Variants in TTLL7 observed in about 807,000 individuals in gnomAD.
The protein encoded by TTLL7 is tubulin polyglutamylase TTLL7.
TTLL7 carries 53 observed loss-of-function variants against 120.2 expected under a neutral mutation model. The ratio of observed to expected loss-of-function variants is 0.44; its 90% confidence interval spans 0.35 to 0.55. The LOEUF (loss-of-function observed/expected upper bound fraction) is 0.55. Among genes scored for constraint, TTLL7 ranks in the 20% least tolerant of loss-of-function variants. TTLL7 has a pLI of 0.00. For synonymous variants in TTLL7, 353 were observed against 351.7 expected, an observed-to-expected ratio of 1.00 and a Z score of -0.04; for missense variants, 803 against 1,054.7, an observed-to-expected ratio of 0.76 and a Z score of 3.31.
intron 18 of TTLL7, among the ~76,000 whole-genome samples, chr1:83,895,245 C>CA (rs1656112246): frequency 6.6e-6 from 1 of 151,980 alleles, no homozygotes; most frequent in Non-Finnish European, 1.5e-5. Context: ...ACCAGGTCCC[C>CA]AAGGCTTAAG....
rs180787656 is a variant in TTLL7 at position 83,907,819 on chromosome 1, C to T, written c.1787-158G>A. Among the ~76,000 whole-genome samples, 4 of 152,214 alleles carry T rather than the reference C, an allele frequency of 2.6e-5. No homozygotes were observed. The East Asian group carries it at 7.7e-4, about 29-fold the overall frequency. On this transcript the variant is annotated intron_variant, in intron 15 of 20. Coordinates refer to ENST00000260505, the MANE Select transcript of TTLL7 (RefSeq NM_024686.6). Reference sequence around the variant, plus strand: ...ATCATGAGAATATGAGTTTGGAATACACTTTTCAACAACAGTGAACTTGTT... The same window carrying T: ...ATCATGAGAATATGAGTTTGGAATATACTTTTCAACAACAGTGAACTTGTT...
chr1:83,896,890 T>C (rs549147794), intron 18 of TTLL7, among the ~76,000 whole-genome samples: 1 of 152,228 alleles, frequency 6.6e-6, no homozygotes, highest in Non-Finnish European at 1.5e-5. Context: ...TATATTTTCA[T>C]ACTTCATATA....
At chr1:83,888,909 CAAAAA>C (rs1655199282) in intron 19 of TTLL7, among the ~76,000 whole-genome samples, 1 of 151,884 alleles carries the variant, frequency 6.6e-6, no homozygotes, top group East Asian at 1.9e-4. Context: ...AAACTGGAAA[CAAAAA>C]TGCCTAGAAA....
At chr1:83,915,448 G>T (rs1040271468) in intron 14 of TTLL7, among the ~76,000 whole-genome samples, 3 of 152,154 alleles carry the variant, frequency 2.0e-5, no homozygotes, top group African/African-American at 7.2e-5. Flanking sequence ...TATGTAGAAA[G>T]CTGAAACTGG....
chr1:83,884,573 AGTGTTCTGAAAT>A (rs1654808326), intron 19 of TTLL7, among the ~76,000 whole-genome samples: 1 of 151,846 alleles, frequency 6.6e-6, no homozygotes, highest in Non-Finnish European at 1.5e-5. Flanking sequence ...AATTTTCTTC[AGTGTTCTGAAAT>A]GTTCAGGACT....
chr1:83,951,969 C>A lies in TTLL7; in HGVS notation c.33G>T (p.Gln11His), dbSNP rs764815086. Residue 11 changes from glutamine (Q) to histidine (H), a missense_variant, in exon 3 of 21, where the codon CAG becomes CAT. Physicochemically the swap from Gln to His is conservative, Grantham distance 24. This residue lies in a region of TTLL7 where 91 missense variants were observed against 96.6 expected (regional missense o/e 0.94). Coordinates refer to ENST00000260505, the MANE Select transcript of TTLL7 (RefSeq NM_024686.6). The stretch of plus-strand genomic sequence containing the variant: ...TATTCAAATCCAGGGGAGAGGGTCC[C>A]TGAATAACTTTAAAAAAATGTAAAA... MPSLPQEGVI[Q>H]GPSPLDLNTE... The A allele has an allele frequency of 6.2e-7, 1 of 1,601,044 alleles. No homozygotes were observed. Among genetic ancestry groups the A allele is most frequent in the Non-Finnish European group, 8.5e-7 (1 of 1,176,566 alleles).
At chr1:83,913,130 T>C (rs1657818405) in intron 14 of TTLL7, 1 of 152,274 alleles carries the variant, frequency 6.6e-6, no homozygotes, top group South Asian at 2.1e-4. Flanking sequence ...GTTCAAGCAA[T>C]AATTAACTAG....
intron 1 of TTLL7, among the ~76,000 whole-genome samples, chr1:83,959,455 C>CT (rs980718368): frequency 1.8e-4 from 28 of 152,082 alleles, no homozygotes; most frequent in Non-Finnish European, 2.5e-4. Context: ...AGGACTCTCA[C>CT]TTTTTTTTCA....
intron 1 of TTLL7, among the ~76,000 whole-genome samples, chr1:83,970,993 T>C (rs12133196): frequency 0.041 from 6,266 of 151,910 alleles, 156 homozygotes; most frequent in Middle Eastern, 0.099. Flanking sequence ...CAATTCCTGC[T>C]CTTCTGGGAG....
chr1:83,913,242 C>T (rs1489461942), intron 14 of TTLL7, among the ~76,000 whole-genome samples: 1 of 151,888 alleles, frequency 6.6e-6, no homozygotes, highest in Non-Finnish European at 1.5e-5. Context: ...TTTTTTATGT[C>T]CAATTTTATT....
At chr1:83,985,656 C>T (rs1652374368) in intron 1 of TTLL7, among the ~76,000 whole-genome samples, 1 of 151,926 alleles carries the variant, frequency 6.6e-6, no homozygotes, top group Non-Finnish European at 1.5e-5. Flanking sequence ...TCGAGACCAA[C>T]CTGGGCAACA....
intron 10 of TTLL7, among the ~76,000 whole-genome samples, chr1:83,922,659 T>TTCAGTTTAAAAGAAAAA (rs765856922): frequency 0.014 from 2,169 of 151,760 alleles, 29 homozygotes; most frequent in African/African-American, 0.025. Context: ...TCTGGGTGAA[T>TTCAGTTTAAAAGAAAAA]GCAAGAAACT....
rs532957797 is a variant in TTLL7, at chr1:83,943,745, A to G, written c.507-1066T>C. On this transcript the variant is annotated intron_variant, in intron 6 of 20. Transcript: ENST00000260505. ...GGATTTCAACAAAATATTATGAGGCATGCAAAGGAAAAAGAAAGTATAGCC... is the reference window on the plus strand; with the variant it reads ...GGATTTCAACAAAATATTATGAGGCGTGCAAAGGAAAAAGAAAGTATAGCC... Among the ~76,000 whole-genome samples, 12 of 152,356 alleles carry G rather than the reference A, an allele frequency of 7.9e-5. No individual in the cohort carries two copies. In the South Asian group the frequency reaches 2.5e-3, roughly 32 times the overall value.
chr1:83,886,680 C>A (rs1297203817), intron 19 of TTLL7, among the ~76,000 whole-genome samples: 1 of 152,000 alleles, frequency 6.6e-6, no homozygotes, highest in African/African-American at 2.4e-5. Context: ...AGATTCTCTT[C>A]TTTAGGGTTT....
At position 83,948,645 on chromosome 1, in the gene TTLL7, T is replaced by C. The variant is rs779673619; in HGVS notation, c.330A>G (p.Leu110=). The C allele has an allele frequency of 1.2e-6, 2 of 1,609,968 alleles. No individual in the cohort carries two copies. Among genetic ancestry groups the C allele is most frequent in the African/African-American group, 2.7e-5 (2 of 74,834 alleles). The change falls in exon 5 of 21, where the codon TTA becomes TTG. Residue 110 remains leucine, a synonymous_variant. Coordinates refer to ENST00000260505, the MANE Select transcript of TTLL7 (RefSeq NM_024686.6). Reference sequence around the variant, plus strand: ...AAGATTACTTGGTCATATTTCTTGCTAAGAAATCCTTCCTACAGATCTCCC... The same window carrying C: ...AAGATTACTTGGTCATATTTCTTGCCAAGAAATCCTTCCTACAGATCTCCC... ...GMGEICRKDF[L]ARNMTKMIKS...
In TTLL7 at chr1:83,915,975, A is replaced by G. The variant is rs561239802; in HGVS notation, c.1587+1629T>C. On this transcript the variant is annotated intron_variant, in intron 14 of 20. Coordinates refer to ENST00000260505, the MANE Select transcript of TTLL7 (RefSeq NM_024686.6). Reference sequence around the variant, plus strand: ...CACACCAGTTAGAATGGCCATCAGTAAAAAGTCAGGAAATAACAGGTGCTG... The same window carrying G: ...CACACCAGTTAGAATGGCCATCAGTGAAAAGTCAGGAAATAACAGGTGCTG... 5.7e-3 allele frequency among the ~76,000 whole-genome samples: 872 copies of G among 152,348 alleles called. 4 individuals carry two copies. Among genetic ancestry groups the G allele is most frequent in the African/African-American group, 0.02 (829 of 41,564 alleles).
In TTLL7 at chr1:83,950,426, T is replaced by C. The variant is rs78399992; in HGVS notation, c.158-440A>G. ...ATACTTTCCACCTCCCTAGTTCAAATTATTTTTAGTACTTAAAGTCAACTC... is the reference window on the plus strand; with the variant it reads ...ATACTTTCCACCTCCCTAGTTCAAACTATTTTTAGTACTTAAAGTCAACTC... On this transcript the variant is annotated intron_variant, in intron 3 of 20. Coordinates refer to ENST00000260505, the MANE Select transcript of TTLL7 (RefSeq NM_024686.6). Among the ~76,000 whole-genome samples the C allele has an allele frequency of 7.8e-3, 1,189 of 152,286 alleles. 23 individuals carry two copies. Among genetic ancestry groups the C allele is most frequent in the African/African-American group, 0.027 (1,128 of 41,566 alleles).
chr1:83,987,242 C>T (rs1482038068), intron 1 of TTLL7, among the ~76,000 whole-genome samples: 1 of 143,240 alleles, frequency 7.0e-6, no homozygotes, highest in Non-Finnish European at 1.5e-5. Flanking sequence ...GGAAGGTTTA[C>T]ATGGAAAAAA....
chr1:83,976,997 C>G (rs1651551967), intron 1 of TTLL7, among the ~76,000 whole-genome samples: 2 of 151,898 alleles, frequency 1.3e-5, no homozygotes, highest in Admixed American at 6.6e-5. Context: ...TTTATTGTGT[C>G]TTTCCCATTT....
Sources: allele counts gnomAD v4.1 joint callset (sites outside exome capture counted in the v4.1 genomes callset), GRCh38; gene constraint gnomAD v4.1.1; regional missense constraint gnomAD v4.1.1; transcripts MANE v1.5; gene names NCBI Gene and HGNC (gene_info 2026-07-23, HGNC 2026-07-21).